Variants in PCDH15 observed in about 807,000 individuals in gnomAD.
The protein encoded by PCDH15 is protocadherin related 15.
A neutral mutation model predicts 178.5 loss-of-function variants in PCDH15; 129 were observed. The ratio of observed to expected loss-of-function variants is 0.72; its 90% CI spans 0.63 to 0.84. The LOEUF (loss-of-function observed/expected upper bound fraction) is 0.84. PCDH15 is among the 40% of genes least tolerant of loss of function. PCDH15 has a pLI of 0.00. For missense variants in PCDH15, 2,230 were observed against 2,099.9 expected (o/e 1.06, Z -1.21); for synonymous variants, 800 against 732.0 (o/e 1.09, Z -1.50).
intron 7 of PCDH15, among the ~76,000 whole-genome samples, chr10:54,319,653 T>C (rs1328699029): frequency 6.6e-6 from 1 of 152,100 alleles, no homozygotes; most frequent in African/African-American, 2.4e-5. Flanking sequence ...TTAAAATGGC[T>C]AATCTTATTT....
At chr10:54,489,381 C>T (rs2079380958) in intron 3 of PCDH15, among the ~76,000 whole-genome samples, 1 of 152,000 alleles carries the variant, frequency 6.6e-6, no homozygotes, top group African/African-American at 2.4e-5. Context: ...CAGATGATCA[C>T]AGAAAAATCA....
intron 3 of PCDH15, among the ~76,000 whole-genome samples, chr10:54,493,425 T>G (rs567693937): frequency 6.6e-6 from 1 of 152,056 alleles, no homozygotes; most frequent in Non-Finnish European, 1.5e-5. Context: ...AACACAGATA[T>G]TGGCATATTG....
At chr10:54,343,728 T>C (rs1489196499) in intron 6 of PCDH15, among the ~76,000 whole-genome samples, 1 of 151,722 alleles carries the variant, frequency 6.6e-6, no homozygotes, top group Admixed American at 6.6e-5. Flanking sequence ...CACACCAACA[T>C]GGCACATGTA....
At position 54,829,211 on chromosome 10, in the gene PCDH15, A is replaced by G. The variant is rs146039303; in HGVS notation, c.-29+68239T>C. On this transcript the variant is annotated intron_variant, in intron 3 of 5. Coordinates refer to the PCDH15 transcript ENST00000458638. ...CTCTTCTGTAGTGAAGAGAAGTCGT[A>G]ATGAATAATAGTGGTATAGTAATGG... Among the ~76,000 whole-genome samples, 437 of 152,146 alleles carry G rather than the reference A, an allele frequency of 2.9e-3. 4 individuals carry two copies. The highest frequency in any genetic ancestry group is 0.01 in the African/African-American group (427 of 41,542).
intron 6 of PCDH15, among the ~76,000 whole-genome samples, chr10:54,342,563 A>G (rs1942446030): frequency 7.9e-6 from 1 of 127,332 alleles, no homozygotes; most frequent in Non-Finnish European, 1.6e-5. Context: ...TGCAGAGGGA[A>G]AAAGTGGAAT....
At chr10:54,950,760 T>C (rs2131874104) in intron 2 of PCDH15, among the ~76,000 whole-genome samples, 1 of 152,080 alleles carries the variant, frequency 6.6e-6, no homozygotes, top group Middle Eastern at 3.4e-3. Context: ...GACCTCTGCC[T>C]TGTCTCTCTC....
At chr10:54,515,793 C>T (rs190400573) in intron 3 of PCDH15, among the ~76,000 whole-genome samples, 1 of 152,174 alleles carries the variant, frequency 6.6e-6, no homozygotes, top group Non-Finnish European at 1.5e-5. Flanking sequence ...TTCCAGAGGA[C>T]CCATCAGGCA....
At chr10:54,543,504 A>T (rs1033767306) in intron 2 of PCDH15, among the ~76,000 whole-genome samples, 1 of 152,202 alleles carries the variant, frequency 6.6e-6, no homozygotes, top group Non-Finnish European at 1.5e-5. Context: ...TGCGAGGAGG[A>T]CAAGGGAACC....
At chr10:53,968,628 AG>A (rs1589678587) in intron 21 of PCDH15, among the ~76,000 whole-genome samples, 1 of 152,106 alleles carries the variant, frequency 6.6e-6, no homozygotes, top group East Asian at 1.9e-4. Context: ...CACCTCATAT[AG>A]CCGGACGCCA....
At chr10:54,977,939 A>C (rs947951202) in intron 2 of PCDH15, among the ~76,000 whole-genome samples, 1 of 152,190 alleles carries the variant, frequency 6.6e-6, no homozygotes, top group Non-Finnish European at 1.5e-5. Flanking sequence ...TATCAGAAGG[A>C]CAATATTGAA....
intron 2 of PCDH15, among the ~76,000 whole-genome samples, chr10:55,473,698 T>C (rs566769245): frequency 3.4e-4 from 52 of 152,232 alleles, no homozygotes; most frequent in African/African-American, 1.2e-3. Flanking sequence ...TGCAGCAAAA[T>C]TTTTGATTAA....
At chr10:53,983,661 C>T (rs2090858322) in intron 21 of PCDH15, among the ~76,000 whole-genome samples, 1 of 152,018 alleles carries the variant, frequency 6.6e-6, no homozygotes, top group African/African-American at 2.4e-5. Context: ...GTAACTCGAC[C>T]CTTAAAGGTA....
intron 25 of PCDH15, among the ~76,000 whole-genome samples, chr10:53,935,939 C>G (rs1383034678): frequency 6.6e-6 from 1 of 151,912 alleles, no homozygotes; most frequent in Non-Finnish European, 1.5e-5. Context: ...AAAAGAGAAT[C>G]AAAGAGATTT....
At chr10:55,256,412 G>A (rs576197244) in intron 1 of PCDH15, among the ~76,000 whole-genome samples, 90 of 152,288 alleles carry the variant, frequency 5.9e-4, no homozygotes, top group East Asian at 1.2e-3. Context: ...AGCATGAGCC[G>A]AAGCAGGGCG....
intron 3 of PCDH15, among the ~76,000 whole-genome samples, chr10:54,888,734 C>G (rs7908874): frequency 6.9e-6 from 1 of 144,000 alleles, no homozygotes; most frequent in Non-Finnish European, 1.6e-5. Context: ...GCACATTTTC[C>G]TGTTGTTGTT....
intron 2 of PCDH15, among the ~76,000 whole-genome samples, chr10:55,097,905 G>C (rs1842483896): frequency 6.6e-6 from 1 of 152,068 alleles, no homozygotes; most frequent in Non-Finnish European, 1.5e-5. Flanking sequence ...TTGGTAACAA[G>C]TGTATTTACA....
chr10:54,240,169 A>T (rs1235750487), intron 8 of PCDH15, among the ~76,000 whole-genome samples: 1 of 152,148 alleles, frequency 6.6e-6, no homozygotes, highest in African/African-American at 2.4e-5. Context: ...TATAAGCAAG[A>T]ACAACCCAGA....
intron 2 of PCDH15, among the ~76,000 whole-genome samples, chr10:55,104,454 GA>G (rs1483477391): frequency 6.6e-6 from 1 of 151,966 alleles, no homozygotes; most frequent in Admixed American, 6.6e-5. Flanking sequence ...GTCACATAAT[GA>G]GTTTGCTTTT....
At chr10:54,107,450 G>A (rs1235291777) in intron 15 of PCDH15, among the ~76,000 whole-genome samples, 1 of 152,190 alleles carries the variant, frequency 6.6e-6, no homozygotes, top group Non-Finnish European at 1.5e-5. Flanking sequence ...CAGAGGGGGA[G>A]GAACATGCAG....
Sources: allele counts gnomAD v4.1 joint callset (sites outside exome capture counted in the v4.1 genomes callset), GRCh38; gene constraint gnomAD v4.1.1; transcripts MANE v1.5; gene names NCBI Gene and HGNC (gene_info 2026-07-23, HGNC 2026-07-21).